The following RIMS4 variants were observed in gnomAD, a reference collection of about 807,000 sequenced individuals.
The protein encoded by RIMS4 is regulating synaptic membrane exocytosis 4, also known as regulating synaptic membrane exocytosis protein 4.
In RIMS4, 9 loss-of-function variants were observed where a neutral mutation model predicts 29.0. That is an observed-to-expected ratio of 0.31 (90% CI 0.19 to 0.54). RIMS4 has a LOEUF of 0.54. RIMS4 is among the 20% of genes least tolerant of loss of function. The pLI is 0.94. For missense variants in RIMS4, 193 were observed against 365.7 expected (o/e 0.53, Z 3.85); for synonymous variants, 130 against 152.9 (o/e 0.85, Z 1.10).
chr20:44,757,112 G>A, intron 4 of RIMS4, 75 bp from the exon 5 acceptor site: 1 of 1,508,880 alleles, frequency 6.6e-7, no homozygotes, highest in South Asian at 1.2e-5. Flanking sequence ...ACAGAGGGAG[G>A]CTGCCCACCC....
chr20:44,787,598 C>G (rs925734231), intron 1 of RIMS4, among the ~76,000 whole-genome samples: 5 of 151,960 alleles, frequency 3.3e-5, no homozygotes, highest in Admixed American at 3.3e-4. Context: ...ACCATGAACA[C>G]CAGTTTCCTC....
intron 1 of RIMS4, among the ~76,000 whole-genome samples, chr20:44,799,856 G>A (rs1234694601): frequency 1.3e-5 from 2 of 152,230 alleles, no homozygotes; most frequent in Non-Finnish European, 2.9e-5. Flanking sequence ...AGCCACAGTA[G>A]ATGACCTCAG....
At chr20:44,782,588 T>G (rs1008141668) in intron 1 of RIMS4, among the ~76,000 whole-genome samples, 1 of 152,194 alleles carries the variant, frequency 6.6e-6, no homozygotes, top group African/African-American at 2.4e-5. Context: ...ATACTTAACA[T>G]ACTTTACGAG....
At chr20:44,771,488 G>C in intron 1 of RIMS4, 75 bp from the exon 2 acceptor site, 1 of 1,508,006 alleles carries the variant, frequency 6.6e-7, no homozygotes, top group Non-Finnish European at 9.0e-7. Context: ...GAGTCATCTG[G>C]TTAGCAGTGT....
At chr20:44,761,939 T>C (rs1453189284) in intron 2 of RIMS4, among the ~76,000 whole-genome samples, 2 of 152,166 alleles carry the variant, frequency 1.3e-5, no homozygotes, top group Admixed American at 1.3e-4. Context: ...GACCCTTAAT[T>C]AACAGCACAG....
intron 1 of RIMS4, among the ~76,000 whole-genome samples, chr20:44,803,824 AGGCAGCCAC>A: frequency 6.6e-6 from 1 of 152,242 alleles, no homozygotes; most frequent in South Asian, 2.1e-4. Flanking sequence ...CAAGGAGGCC[AGGCAGCCAC>A]GGCAGCTGAG....
Position 44,760,384 on chromosome 20 carries a change from G to A in RIMS4, c.237-2200C>T, listed in dbSNP as rs1465430697. Among the ~76,000 whole-genome samples the A allele has an allele frequency of 7.9e-5, 12 of 152,332 alleles. No homozygotes were observed. The East Asian group carries it at 2.3e-3, about 29-fold the overall frequency. ...AGTAACCCCCTGGGAGATCTCTGAG[G>A]CTCTCTGTACATCCCTCCATACCCT... On this transcript the variant is annotated intron_variant, in intron 2 of 5. Coordinates refer to ENST00000372851, the MANE Select transcript of RIMS4 (RefSeq NM_182970.4).
At chr20:44,778,607 G>T (rs1184543498) in intron 1 of RIMS4, among the ~76,000 whole-genome samples, 3 of 152,214 alleles carry the variant, frequency 2.0e-5, no homozygotes, top group Non-Finnish European at 4.4e-5. Flanking sequence ...TGAGGCTGCA[G>T]TGAGCTATGA....
At chr20:44,785,574 T>C (rs1026022083) in intron 1 of RIMS4, among the ~76,000 whole-genome samples, 2 of 152,052 alleles carry the variant, frequency 1.3e-5, no homozygotes, top group Non-Finnish European at 2.9e-5. Flanking sequence ...GAAAAGAGGA[T>C]GCAACAGGGG....
rs935477908 is a variant in RIMS4, at chr20:44,757,011, C to G, written c.478G>C (p.Glu160Gln). 3.7e-6 allele frequency: 6 copies of G among 1,613,924 alleles called. No homozygotes were observed. The African/African-American group carries it at 6.7e-5, about 18-fold the overall frequency. The change falls in exon 5 of 6, where the codon GAG becomes CAG. Residue 160 changes from glutamate (E) to glutamine (Q), a missense_variant. By Grantham distance (29) the Glu-to-Gln change is conservative. Transcript: ENST00000372851. ...TTCTTGGCAATGCAGATGCCATTCT[C>G]TAGCAGGTAGGCCTTGATGTAGGCC... ...PAAYIKAYLL[E>Q]NGICIAKKKT...
chr20:44,754,501 G>A lies in RIMS4; in HGVS notation c.*1633C>T, dbSNP rs1029086791. 1 of 155,566 alleles carries A rather than the reference G, an allele frequency of 6.4e-6. No homozygotes were observed. Among genetic ancestry groups the A allele is most frequent in the African/African-American group, 2.4e-5 (1 of 41,434 alleles). The allele number at this position is 155,566 out of a possible 1,614,324, so 9.6% of individuals were successfully genotyped here. On this transcript the variant is annotated 3_prime_UTR_variant, in exon 6 of 6. Coordinates refer to ENST00000372851, the MANE Select transcript of RIMS4 (RefSeq NM_182970.4). ...TGGAGACCAGGCCCCCTCTGCCAAGGTCCTACAACCCTTAGGAGTCCCTCA... is the reference window on the plus strand; with the variant it reads ...TGGAGACCAGGCCCCCTCTGCCAAGATCCTACAACCCTTAGGAGTCCCTCA...
rs183642608 is a variant in RIMS4 at position 44,804,924 on chromosome 20, G to C, written c.97+5251C>G. On this transcript the variant is annotated intron_variant, in intron 1 of 5. Coordinates refer to ENST00000372851, the MANE Select transcript of RIMS4 (RefSeq NM_182970.4). The stretch of plus-strand genomic sequence containing the variant: ...TGCACCACAGCAGACCTGCAGACCA[G>C]TGATCTGTACAATGGGGTAAGGCGT... Among the ~76,000 whole-genome samples the C allele has an allele frequency of 4.6e-5, 7 of 152,308 alleles. No homozygotes were observed. The East Asian group carries it at 1.3e-3, about 29-fold the overall frequency.
chr20:44,769,212 T>G (rs1275110040), intron 2 of RIMS4, among the ~76,000 whole-genome samples: 1 of 152,202 alleles, frequency 6.6e-6, no homozygotes, highest in African/African-American at 2.4e-5. Flanking sequence ...CAAACACCTA[T>G]CACCTGCAGG....
At chr20:44,771,878 C>A (rs2066139067) in intron 1 of RIMS4, among the ~76,000 whole-genome samples, 1 of 152,056 alleles carries the variant, frequency 6.6e-6, no homozygotes, top group South Asian at 2.1e-4. Context: ...TGGCCTTTGC[C>A]CACTAGATAC....
At chr20:44,806,696 G>GTA (rs1284554879) in intron 1 of RIMS4, among the ~76,000 whole-genome samples, 2 of 152,174 alleles carry the variant, frequency 1.3e-5, no homozygotes, top group African/African-American at 2.4e-5. Flanking sequence ...GCCAGGTACT[G>GTA]TACTAAGACT....
chr20:44,777,215 C>G (rs2066164062), intron 1 of RIMS4, among the ~76,000 whole-genome samples: 2 of 152,174 alleles, frequency 1.3e-5, no homozygotes, highest in South Asian at 4.2e-4. Flanking sequence ...CACTGCCCAT[C>G]CCCACTGAAA....
chr20:44,810,507 CGGCGGCGGT>C lies in RIMS4; in HGVS notation c.-245_-237del, dbSNP rs1219214750. 0.063 allele frequency among the ~76,000 whole-genome samples: 8,915 copies of C among 141,968 alleles called. 343 individuals are homozygous for C. The highest frequency in any genetic ancestry group is 0.082 in the Non-Finnish European group (5,293 of 64,558). The allele number at this position is 141,968 out of a possible 152,430, so 93.1% of individuals were successfully genotyped here. On this transcript the variant is annotated 5_prime_UTR_variant, in exon 1 of 6. Coordinates refer to ENST00000372851, the MANE Select transcript of RIMS4 (RefSeq NM_182970.4). ...GCTGTGCTGCTGGCGGCGGCGGCGG[CGGCGGCGGT>C]GGCGGCGGCGGTGGCGGCGCAGCGC...
intron 1 of RIMS4, among the ~76,000 whole-genome samples, chr20:44,774,732 T>G (rs2066152240): frequency 6.6e-6 from 1 of 152,304 alleles, no homozygotes; most frequent in African/African-American, 2.4e-5. Context: ...CCTTTCACCC[T>G]GCCTGGCCCT....
At chr20:44,798,893 A>C (rs1476224755) in intron 1 of RIMS4, among the ~76,000 whole-genome samples, 1 of 152,230 alleles carries the variant, frequency 6.6e-6, no homozygotes, top group Admixed American at 6.5e-5. Flanking sequence ...TTGCACAAAA[A>C]TCCACTTCTC....
Sources: gnomAD v4.1 joint callset for allele counts (sites outside exome capture counted in the v4.1 genomes callset) on GRCh38, gnomAD v4.1.1 for gene constraint, MANE v1.5 for transcripts, NCBI Gene and HGNC (gene_info 2026-07-23, HGNC 2026-07-21) for gene names.